The following CCDC39 variants were observed in gnomAD, a reference collection of about 807,000 sequenced individuals.
The protein encoded by CCDC39 is coiled-coil domain-containing protein 39.
CCDC39 carries 113 observed loss-of-function variants against 121.0 expected under a neutral mutation model. That is an observed-to-expected ratio of 0.93 (90% CI 0.80 to 1.09). The LOEUF (loss-of-function observed/expected upper bound fraction) is 1.09. Ranked by LOEUF, CCDC39 falls within the 50% of genes least tolerant of loss-of-function variation. CCDC39 has a pLI of 0.00. For synonymous variants in CCDC39, 349 were observed against 352.2 expected (o/e 0.99, Z 0.10); for missense variants, 1,063 against 1,074.7 (o/e 0.99, Z 0.15).
chr3:180,618,340 T>A (rs1717325898), intron 16 of CCDC39, among the ~76,000 whole-genome samples: 1 of 152,142 alleles, frequency 6.6e-6, no homozygotes. Context: ...TCATGGAATC[T>A]GCAAAGATTC....
chr3:180,617,660 G>T, intron 16 of CCDC39: 2 of 398,436 alleles, frequency 5.0e-6, no homozygotes, highest in Non-Finnish European at 8.9e-6. Flanking sequence ...AGAGAATAAG[G>T]ATATAAAGAA....
At chr3:180,632,260 C>A (rs891517432) in intron 13 of CCDC39, among the ~76,000 whole-genome samples, 14 of 152,160 alleles carry the variant, frequency 9.2e-5, no homozygotes, top group Non-Finnish European at 2.1e-4. Context: ...ATTCTTAAAT[C>A]TGTTGGTTAC....
Position 180,639,879 on chromosome 3 carries a change from C to G in CCDC39, c.1874+2114G>C, listed in dbSNP as rs553229837. Among the ~76,000 whole-genome samples, 11 of 152,098 alleles carry G rather than the reference C, an allele frequency of 7.2e-5. No homozygotes were observed. The East Asian group carries it at 2.1e-3, about 29-fold the overall frequency. ...AGCTCTTAGAGAAAAAGTGTGTCAACCCCTGACAAAAAGGAATGTATATTG... is the reference window on the plus strand; with the variant it reads ...AGCTCTTAGAGAAAAAGTGTGTCAAGCCCTGACAAAAAGGAATGTATATTG... On this transcript the variant is annotated intron_variant, in intron 13 of 19. Transcript: ENST00000476379.
intron 6 of CCDC39, among the ~76,000 whole-genome samples, chr3:180,656,385 G>A (rs60834938): frequency 0.041 from 6,232 of 152,132 alleles, 450 homozygotes; most frequent in African/African-American, 0.14. Flanking sequence ...ACTTCTACAC[G>A]TTGTTTCTTT....
intron 16 of CCDC39, chr3:180,617,384 C>A (rs1311907728): frequency 1.6e-6 from 1 of 624,008 alleles, no homozygotes; most frequent in Non-Finnish European, 2.9e-6. Flanking sequence ...TTACAGTGTA[C>A]TCCTATTTAT....
At chr3:180,669,392 C>G (rs149233653) in intron 1 of CCDC39, among the ~76,000 whole-genome samples, 3,648 of 152,102 alleles carry the variant, frequency 0.024, 142 homozygotes, top group African/African-American at 0.082. Flanking sequence ...TTCACTGAAA[C>G]TTTCTTGAAT....
chr3:180,641,365 A>G (rs1010868246), intron 13 of CCDC39, among the ~76,000 whole-genome samples: 1 of 152,136 alleles, frequency 6.6e-6, no homozygotes, highest in Non-Finnish European at 1.5e-5. Context: ...TTGAGATCAG[A>G]TAATAAGACA....
intron 14 of CCDC39, among the ~76,000 whole-genome samples, chr3:180,626,655 A>T (rs1221370923): frequency 6.6e-6 from 1 of 152,190 alleles, no homozygotes; most frequent in Non-Finnish European, 1.5e-5. Flanking sequence ...GTGTAGCATT[A>T]AACTCTCCAA....
At chr3:180,636,150 G>C (rs1717819837) in intron 13 of CCDC39, among the ~76,000 whole-genome samples, 1 of 152,174 alleles carries the variant, frequency 6.6e-6, no homozygotes. Flanking sequence ...AATAGGAAGA[G>C]AGGAAGTCAA....
chr3:180,658,300 A>G (rs1473933189), intron 6 of CCDC39, among the ~76,000 whole-genome samples: 2 of 150,034 alleles, frequency 1.3e-5, no homozygotes, highest in Non-Finnish European at 3.0e-5. Context: ...AAAAAAAAGA[A>G]TTAAGAGAAC....
intron 14 of CCDC39, among the ~76,000 whole-genome samples, chr3:180,620,846 G>A (rs1717414050): frequency 1.3e-5 from 2 of 151,948 alleles, no homozygotes; most frequent in South Asian, 2.1e-4. Context: ...GGTGACTAGT[G>A]TACTACCTAT....
At chr3:180,674,939 C>A (rs1033378880) in intron 1 of CCDC39, among the ~76,000 whole-genome samples, 2 of 152,118 alleles carry the variant, frequency 1.3e-5, no homozygotes, top group Non-Finnish European at 1.5e-5. Context: ...ACTAAAAATT[C>A]TCTTTTTTTG....
At chr3:180,631,695 A>G in intron 13 of CCDC39, 103 bp from the exon 14 acceptor site, 3 of 907,178 alleles carry the variant, frequency 3.3e-6, no homozygotes, top group Non-Finnish European at 1.7e-6. Flanking sequence ...TGTTACTACT[A>G]AACTCAAACA....
intron 12 of CCDC39, among the ~76,000 whole-genome samples, chr3:180,643,762 A>G (rs1437993630): frequency 6.6e-6 from 1 of 152,232 alleles, no homozygotes; most frequent in Non-Finnish European, 1.5e-5. Flanking sequence ...CTGTACATGT[A>G]GTACTATTTA....
intron 9 of CCDC39, among the ~76,000 whole-genome samples, chr3:180,650,519 G>A (rs1200329370): frequency 6.6e-6 from 1 of 152,114 alleles, no homozygotes; most frequent in Admixed American, 6.6e-5. Context: ...GGTACAGTAG[G>A]CTTTGGGAAG....
intron 19 of CCDC39, among the ~76,000 whole-genome samples, chr3:180,615,599 A>G (rs547217676): frequency 1.3e-5 from 2 of 152,150 alleles, no homozygotes; most frequent in Non-Finnish European, 2.9e-5. Flanking sequence ...ACAGTTTTTT[A>G]TACTTAAATG....
chr3:180,637,536 T>G (rs1560085553), intron 13 of CCDC39, among the ~76,000 whole-genome samples: 1 of 152,140 alleles, frequency 6.6e-6, no homozygotes, highest in Non-Finnish European at 1.5e-5. Context: ...CTCAAGAAAG[T>G]AAAAACAGAA....
rs770827103 is a variant in CCDC39, at chr3:180,641,871, T to C, written c.1874+122A>G. On this transcript the variant is annotated intron_variant, in intron 13 of 19. Coordinates refer to ENST00000476379, the MANE Select transcript of CCDC39 (RefSeq NM_181426.2). ...TATAACATGCCCTATGTCTTTCTTA[T>C]ATGAAAAGCCATTTCGAATGAGTAA... 25 of 594,032 alleles carry C rather than the reference T, an allele frequency of 4.2e-5. 1 individual carries two copies. The highest frequency in any genetic ancestry group is 2.2e-4 in the South Asian group (7 of 31,858). The allele number at this position is 594,032 out of a possible 1,614,324, so 36.8% of individuals were successfully genotyped here. A position where few individuals can be genotyped will look rare whatever the true frequency, so the allele number is the denominator to read the frequency against.
intron 13 of CCDC39, among the ~76,000 whole-genome samples, chr3:180,633,204 T>C (rs1717741528): frequency 6.6e-6 from 1 of 152,190 alleles, no homozygotes; most frequent in East Asian, 1.9e-4. Context: ...ATCCACTTAA[T>C]TGCAGAGGAA....
Sources: allele counts gnomAD v4.1 joint callset (sites outside exome capture counted in the v4.1 genomes callset), GRCh38; gene constraint gnomAD v4.1.1; transcripts MANE v1.5; gene names NCBI Gene and HGNC (gene_info 2026-07-23, HGNC 2026-07-21).